TENM2: variants seen among roughly 807,000 people sequenced by gnomAD.
TENM2 encodes the protein teneurin transmembrane protein 2, also known as teneurin-2.
Under a neutral mutation model 245.2 loss-of-function variants are expected in TENM2, and 52 were observed. The observed-to-expected ratio is 0.21, with a 90% CI of 0.17 to 0.27. The LOEUF is 0.27. Ranked by LOEUF, TENM2 falls within the 10% of genes least tolerant of loss-of-function variation. TENM2 has a pLI of 1.00. For missense variants in TENM2, 3,046 were observed against 3,666.8 expected (o/e 0.83, Z 4.37); for synonymous variants, 1,363 against 1,438.9 (o/e 0.95, Z 1.19).
At chr5:167,618,443 C>T (rs1265331169) in intron 2 of TENM2, among the ~76,000 whole-genome samples, 1 of 152,090 alleles carries the variant, frequency 6.6e-6, no homozygotes, top group Non-Finnish European at 1.5e-5. Context: ...GGGGCTTCTT[C>T]CTGGACCTGC....
intron 2 of TENM2, among the ~76,000 whole-genome samples, chr5:167,568,691 A>G (rs1232601461): frequency 6.6e-6 from 1 of 150,888 alleles, no homozygotes; most frequent in African/African-American, 2.5e-5. Context: ...GTATAAAAAT[A>G]TATATTTCAA....
chr5:167,414,568 C>T (rs921350057), intron 2 of TENM2, among the ~76,000 whole-genome samples: 3 of 151,964 alleles, frequency 2.0e-5, no homozygotes, highest in African/African-American at 7.2e-5. Context: ...GGCCCTGGTT[C>T]GCTAGAGAGA....
At chr5:167,107,961 G>A in the TENM2 span, among the ~76,000 whole-genome samples, 16 of 152,200 alleles carry the variant, frequency 1.1e-4, no homozygotes, top group African/African-American at 3.4e-4. Flanking sequence ...CAGAAGACTC[G>A]GCCCACAGAG....
At chr5:167,079,606 C>A in the TENM2 span, among the ~76,000 whole-genome samples, 1 of 151,266 alleles carries the variant, frequency 6.6e-6, no homozygotes, top group South Asian at 2.1e-4. Context: ...AGCCACCACA[C>A]CCGGCCTAAT....
chr5:168,209,124 G>A (rs1444096048), intron 19 of TENM2, among the ~76,000 whole-genome samples: 4 of 152,106 alleles, frequency 2.6e-5, no homozygotes, highest in Non-Finnish European at 5.9e-5. Context: ...ATCAAAATTA[G>A]TTTCATATTA....
intron 3 of TENM2, among the ~76,000 whole-genome samples, chr5:167,901,614 G>A (rs1383246698): frequency 6.6e-6 from 1 of 152,160 alleles, no homozygotes; most frequent in Non-Finnish European, 1.5e-5. Flanking sequence ...GAATAAATTA[G>A]TGCATTGAAT....
intron 5 of TENM2, among the ~76,000 whole-genome samples, chr5:168,035,442 A>G (rs992603794): frequency 1.3e-5 from 2 of 151,800 alleles, no homozygotes. Context: ...GTTTGCAGTG[A>G]ACTGAGATAG....
the TENM2 span, among the ~76,000 whole-genome samples, chr5:167,229,911 T>C: frequency 6.6e-5 from 10 of 152,274 alleles, no homozygotes; most frequent in East Asian, 1.4e-3. Flanking sequence ...TTCTAGGACA[T>C]TGGGTTCACT....
chr5:167,566,010 G>A (rs1185422368), intron 2 of TENM2, among the ~76,000 whole-genome samples: 1 of 152,098 alleles, frequency 6.6e-6, no homozygotes, highest in Admixed American at 6.5e-5. Flanking sequence ...CCACTTTTTT[G>A]TGTGAGTTAA....
chr5:167,621,338 A>G (rs1161647235), intron 2 of TENM2, among the ~76,000 whole-genome samples: 1 of 152,196 alleles, frequency 6.6e-6, no homozygotes, highest in Non-Finnish European at 1.5e-5. Context: ...AAAGCTGTAC[A>G]GGGGTAGGGA....
At chr5:167,182,699 A>G in the TENM2 span, among the ~76,000 whole-genome samples, 26 of 152,078 alleles carry the variant, frequency 1.7e-4, no homozygotes, top group Non-Finnish European at 1.0e-4. Context: ...AAATGAAGAA[A>G]ATTTCCACGT....
intron 16 of TENM2, among the ~76,000 whole-genome samples, 180 bp downstream of exon 18, chr5:168,199,294 G>A (rs1391042527): frequency 6.6e-6 from 1 of 152,232 alleles, no homozygotes; most frequent in African/African-American, 2.4e-5. Flanking sequence ...TGTTCTGGAT[G>A]TCTGCAGATA....
At chr5:168,101,491 T>C (rs1328600545) in intron 9 of TENM2, among the ~76,000 whole-genome samples, 1 of 152,118 alleles carries the variant, frequency 6.6e-6, no homozygotes, top group African/African-American at 2.4e-5. Flanking sequence ...GGATCTGTAA[T>C]GGGGTGTCCA....
chr5:167,114,008 G>T, the TENM2 span, among the ~76,000 whole-genome samples: 3 of 152,194 alleles, frequency 2.0e-5, no homozygotes, highest in Non-Finnish European at 2.9e-5. Flanking sequence ...CCTCTCAAGG[G>T]TGTGGCCACA....
At chr5:167,876,292 A>G in intron 3 of TENM2, 97 bp downstream of exon 5, 1 of 1,069,730 alleles carries the variant, frequency 9.3e-7, no homozygotes, top group Non-Finnish European at 1.4e-6. Flanking sequence ...GGCTGGGGGA[A>G]GGTGGTGTGG....
At chr5:167,312,567 A>T (rs966281452) in intron 1 of TENM2, among the ~76,000 whole-genome samples, 1 of 152,102 alleles carries the variant, frequency 6.6e-6, no homozygotes, top group Non-Finnish European at 1.5e-5. Flanking sequence ...AATCATTCCT[A>T]GGGAGGGCTG....
chr5:168,031,055 T>A (rs186953716), intron 5 of TENM2, among the ~76,000 whole-genome samples: 6 of 152,308 alleles, frequency 3.9e-5, no homozygotes, highest in Admixed American at 3.9e-4. Context: ...GACCACTGCT[T>A]AGTGTCACCA....
At chr5:167,440,236 T>C (rs570752893) in intron 2 of TENM2, among the ~76,000 whole-genome samples, 1 of 152,322 alleles carries the variant, frequency 6.6e-6, no homozygotes, top group East Asian at 1.9e-4. Context: ...TGAAAATAAA[T>C]GTTTTTTTGT....
chr5:167,056,547 A>G, the TENM2 span, among the ~76,000 whole-genome samples: 1 of 146,644 alleles, frequency 6.8e-6, no homozygotes, highest in Non-Finnish European at 1.5e-5. Context: ...TATAAAATAT[A>G]TAAATATATA....
Sources: allele counts gnomAD v4.1 joint callset (sites outside exome capture counted in the v4.1 genomes callset), GRCh38; gene constraint gnomAD v4.1.1; transcripts MANE v1.5; gene names NCBI Gene and HGNC (gene_info 2026-07-23, HGNC 2026-07-21).